SEM1: variants seen among roughly 807,000 people sequenced by gnomAD.
SEM1 encodes 26S proteasome complex subunit SEM1.
Under a neutral mutation model 12.7 loss-of-function variants are expected in SEM1, and 3 were observed. The observed-to-expected ratio is 0.24, with a 90% CI of 0.11 to 0.61. The LOEUF is 0.61. SEM1 is among the 20% of genes least tolerant of loss of function. The probability of loss-of-function intolerance (pLI) is 0.88; values close to 1 mark genes in which losing one functional copy is unlikely to be tolerated. For synonymous variants in SEM1, 30 were observed against 27.8 expected (o/e 1.08, Z -0.25); for missense variants, 59 against 81.3 (o/e 0.73, Z 1.06).
At chr7:96,633,900 G>A (rs1451584978) in intron 2 of SEM1, among the ~76,000 whole-genome samples, 2 of 152,038 alleles carry the variant, frequency 1.3e-5, no homozygotes, top group Non-Finnish European at 2.9e-5. Flanking sequence ...AAAATTAGTT[G>A]AAGATCTGCT....
chr7:96,616,180 TTTC>T lies in SEM1; in HGVS notation c.170+78615_170+78617del, dbSNP rs149107858. 7.9e-3 allele frequency among the ~76,000 whole-genome samples: 1,209 copies of T among 152,306 alleles called. 13 individuals carry two copies. Among genetic ancestry groups the T allele is most frequent in the African/African-American group, 0.027 (1,131 of 41,574 alleles). On this transcript the variant is annotated intron_variant and NMD_transcript_variant, in intron 2 of 3. Transcript: ENST00000466986. ...CACCAAGAGTACATAAGCATTCTCT[TTTC>T]TTCACATCCTTGCCAACATTTATTG...
chr7:96,637,204 A>T (rs188983801), intron 2 of SEM1: 15 of 152,148 alleles, frequency 9.9e-5, no homozygotes, highest in Non-Finnish European at 2.1e-4. Flanking sequence ...ACTTAGACCC[A>T]GAAAAAGATT....
At chr7:96,588,426 G>A (rs1490347958) in intron 2 of SEM1, among the ~76,000 whole-genome samples, 2 of 145,490 alleles carry the variant, frequency 1.4e-5, no homozygotes, top group Admixed American at 6.9e-5. Context: ...GAGAAGAAAG[G>A]TATATCATTT....
At chr7:96,667,659 C>A (rs1789205716) in intron 2 of SEM1, among the ~76,000 whole-genome samples, 1 of 152,172 alleles carries the variant, frequency 6.6e-6, no homozygotes, top group Admixed American at 6.5e-5. Context: ...TTAGTGCTGG[C>A]AGATGGAAGC....
chr7:96,530,532 C>T (rs1022489930), intron 2 of SEM1, among the ~76,000 whole-genome samples: 1 of 152,072 alleles, frequency 6.6e-6, no homozygotes, highest in African/African-American at 2.4e-5. Flanking sequence ...AAAAAGAGCA[C>T]AAGCCCCAGG....
upstream of SEM1, among the ~76,000 whole-genome samples, chr7:96,497,102 G>C (rs1229880569): frequency 1.3e-5 from 2 of 151,926 alleles, no homozygotes; most frequent in African/African-American, 4.8e-5. Context: ...ATATTAGTAT[G>C]ATTCTGCATA....
chr7:96,574,149 T>C (rs974064588), intron 2 of SEM1, among the ~76,000 whole-genome samples: 1 of 152,052 alleles, frequency 6.6e-6, no homozygotes, highest in African/African-American at 2.4e-5. Flanking sequence ...TGTGTTCTCA[T>C]TGTTCAATTC....
chr7:96,509,101 C>T (rs567233332), intron 2 of SEM1, among the ~76,000 whole-genome samples: 191 of 149,342 alleles, frequency 1.3e-3, no homozygotes, highest in Non-Finnish European at 2.2e-3. Context: ...ATTCTCGTGC[C>T]TCAGCCTCCC....
chr7:96,570,375 A>ATG (rs1805982423), intron 2 of SEM1, among the ~76,000 whole-genome samples: 1 of 151,026 alleles, frequency 6.6e-6, no homozygotes, highest in Admixed American at 6.6e-5. Flanking sequence ...GCCACGGTGT[A>ATG]TGATGTTCCC....
intron 1 of SEM1, among the ~76,000 whole-genome samples, chr7:96,701,814 T>C (rs1056669299): frequency 6.6e-6 from 1 of 152,086 alleles, no homozygotes; most frequent in African/African-American, 2.4e-5. Flanking sequence ...AAAGGTGAAC[T>C]GTAGATGAAA....
At chr7:96,523,048 T>C (rs1017011046) in intron 2 of SEM1, among the ~76,000 whole-genome samples, 1 of 152,150 alleles carries the variant, frequency 6.6e-6, no homozygotes, top group Non-Finnish European at 1.5e-5. Flanking sequence ...GGCTCAGCTT[T>C]GTGTTATTTG....
chr7:96,541,680 C>T (rs1424400594), intron 2 of SEM1, among the ~76,000 whole-genome samples: 4 of 151,360 alleles, frequency 2.6e-5, no homozygotes, highest in Middle Eastern at 3.2e-3. Context: ...GGCCCATGTC[C>T]GGAATGATGT....
At chr7:96,563,861 A>G (rs1370226316) in intron 2 of SEM1, among the ~76,000 whole-genome samples, 1 of 126,336 alleles carries the variant, frequency 7.9e-6, no homozygotes, top group African/African-American at 2.6e-5. Flanking sequence ...TAGCCTATAA[A>G]TTCAGTAAAA....
At chr7:96,520,050 T>C (rs1419749754) in intron 2 of SEM1, among the ~76,000 whole-genome samples, 1 of 152,036 alleles carries the variant, frequency 6.6e-6, no homozygotes, top group Non-Finnish European at 1.5e-5. Flanking sequence ...TTTTGATGGA[T>C]TGCAAGAAGG....
intron 2 of SEM1, chr7:96,649,995 T>C (rs908133100): frequency 6.5e-6 from 1 of 153,640 alleles, no homozygotes; most frequent in East Asian, 1.9e-4. Flanking sequence ...GTATATCCCA[T>C]GTGTTTTCTG....
At chr7:96,535,624 C>G (rs1160336944) in intron 2 of SEM1, among the ~76,000 whole-genome samples, 2 of 151,954 alleles carry the variant, frequency 1.3e-5, no homozygotes, top group Non-Finnish European at 2.9e-5. Context: ...CTCTCCCCTT[C>G]CTTCCTCCCC....
chr7:96,643,636 C>A (rs372568367), intron 2 of SEM1, among the ~76,000 whole-genome samples: 2 of 151,972 alleles, frequency 1.3e-5, no homozygotes, highest in African/African-American at 4.8e-5. Context: ...TAAAAAAGGA[C>A]GAGTTCACAT....
Position 96,531,071 on chromosome 7 carries a change from T to C in SEM1, c.171-24373A>G, listed in dbSNP as rs184277992. 2.1e-3 allele frequency among the ~76,000 whole-genome samples: 324 copies of C among 152,194 alleles called. 9 individuals are homozygous for C. Among genetic ancestry groups the C allele is most frequent in the Admixed American group, 0.021 (319 of 15,274 alleles). ...AGGGAAAAAGACTATCTTCTAGAGA[T>C]TTTAGTTTCTAAGAGCTAAAAGTCA... On this transcript the variant is annotated intron_variant and NMD_transcript_variant, in intron 2 of 3. Transcript: ENST00000466986.
At chr7:96,602,315 C>A (rs2116195272) in intron 2 of SEM1, among the ~76,000 whole-genome samples, 1 of 152,218 alleles carries the variant, frequency 6.6e-6, no homozygotes, top group African/African-American at 2.4e-5. Flanking sequence ...GATTTCTTTC[C>A]TCTGTTGAAA....
Sources: gnomAD v4.1 joint callset for allele counts (sites outside exome capture counted in the v4.1 genomes callset) on GRCh38, gnomAD v4.1.1 for gene constraint, MANE v1.5 for transcripts, NCBI Gene and HGNC (gene_info 2026-07-23, HGNC 2026-07-21) for gene names.